The following ARK2C variants were observed in gnomAD, a reference collection of about 807,000 sequenced individuals.
The protein encoded by ARK2C is E3 ubiquitin-protein ligase ARK2C.
the ARK2C span, among the ~76,000 whole-genome samples, chr18:46,363,503 A>G: frequency 6.6e-6 from 1 of 152,174 alleles, no homozygotes; most frequent in African/African-American, 2.4e-5. Context: ...CACTTGAGAC[A>G]TCCACAAATC....
At chr18:46,404,543 C>T in the ARK2C span, among the ~76,000 whole-genome samples, 1 of 152,082 alleles carries the variant, frequency 6.6e-6, no homozygotes, top group Non-Finnish European at 1.5e-5. Flanking sequence ...TATGTGAGGT[C>T]GGGAGGTCGA....
chr18:46,335,972 T>C, the ARK2C span: 2 of 985,328 alleles, frequency 2.0e-6, no homozygotes, highest in Non-Finnish European at 2.4e-6. Context: ...CTCTTAACCA[T>C]TTCCTGTCTC....
At chr18:46,437,972 T>C in the ARK2C span, among the ~76,000 whole-genome samples, 1 of 152,240 alleles carries the variant, frequency 6.6e-6, no homozygotes, top group Non-Finnish European at 1.5e-5. Context: ...CAAAGCTCCC[T>C]GAGCCTGGAG....
chr18:46,362,672 G>T, the ARK2C span, among the ~76,000 whole-genome samples: 2,874 of 152,340 alleles, frequency 0.019, 43 homozygotes, highest in Non-Finnish European at 0.03. Context: ...GAAACCTTGG[G>T]AACTTGCTTC....
the ARK2C span, among the ~76,000 whole-genome samples, chr18:46,375,488 A>T: frequency 6.6e-6 from 1 of 151,668 alleles, no homozygotes; most frequent in African/African-American, 2.4e-5. Context: ...TGGGAGGTGG[A>T]GGTTGCAGTG....
chr18:46,441,861 C>CAAAAAAA, the ARK2C span, among the ~76,000 whole-genome samples: 4 of 122,064 alleles, frequency 3.3e-5, no homozygotes, highest in African/African-American at 9.2e-5. Flanking sequence ...GACTCCATCT[C>CAAAAAAA]AAAAAAAAAA....
chr18:46,372,799 A>G, the ARK2C span, among the ~76,000 whole-genome samples: 1 of 152,246 alleles, frequency 6.6e-6, no homozygotes, highest in East Asian at 1.9e-4. Flanking sequence ...GCCAAAATCC[A>G]TACGTTTCCT....
At chr18:46,384,545 C>A in the ARK2C span, among the ~76,000 whole-genome samples, 1 of 152,170 alleles carries the variant, frequency 6.6e-6, no homozygotes, top group Non-Finnish European at 1.5e-5. Flanking sequence ...ATACACACAC[C>A]ACTTCCACCC....
the ARK2C span, among the ~76,000 whole-genome samples, chr18:46,394,154 A>C: frequency 1.3e-5 from 2 of 152,236 alleles, no homozygotes; most frequent in Non-Finnish European, 2.9e-5. Flanking sequence ...ATGATGAGAC[A>C]GATGGGGTCC....
chr18:46,455,375 CTG>C, the ARK2C span, among the ~76,000 whole-genome samples: 2 of 152,154 alleles, frequency 1.3e-5, no homozygotes, highest in East Asian at 1.9e-4. Context: ...AAAAGGGAAA[CTG>C]TGCACAGTCA....
chr18:46,337,236 G>GA, the ARK2C span: 1 of 985,272 alleles, frequency 1.0e-6, no homozygotes, highest in African/African-American at 1.7e-5. Context: ...GAAAAGAAAA[G>GA]AAAAAAGAAT....
At chr18:46,441,957 G>T in the ARK2C span, among the ~76,000 whole-genome samples, 25 of 151,178 alleles carry the variant, frequency 1.7e-4, no homozygotes, top group Middle Eastern at 0.01. Context: ...GAGGTCAGGG[G>T]ATCGAGACCA....
chr18:46,448,847 C>A, the ARK2C span, among the ~76,000 whole-genome samples: 5 of 152,180 alleles, frequency 3.3e-5, no homozygotes, highest in African/African-American at 1.2e-4. Flanking sequence ...TATTTCCAGG[C>A]AACTTCACTT....
At chr18:46,377,767 G>C in the ARK2C span, among the ~76,000 whole-genome samples, 1 of 152,212 alleles carries the variant, frequency 6.6e-6, no homozygotes, top group African/African-American at 2.4e-5. Context: ...GAGATGAATA[G>C]GAGTTTGATA....
At chr18:46,345,336 A>T in the ARK2C span, among the ~76,000 whole-genome samples, 2 of 152,100 alleles carry the variant, frequency 1.3e-5, no homozygotes, top group Non-Finnish European at 2.9e-5. Flanking sequence ...GTGCGGTGGG[A>T]GTGTTGATTG....
the ARK2C span, among the ~76,000 whole-genome samples, chr18:46,402,182 A>G: frequency 6.6e-6 from 1 of 152,250 alleles, no homozygotes; most frequent in African/African-American, 2.4e-5. Context: ...TATACCTATG[A>G]AAGCATCTAT....
chr18:46,340,765 C>T, the ARK2C span, among the ~76,000 whole-genome samples: 27 of 152,322 alleles, frequency 1.8e-4, no homozygotes, highest in African/African-American at 4.8e-4. Flanking sequence ...ACCTGGCACG[C>T]GGCAGGTGCC....
At chr18:46,415,320 A>T in the ARK2C span, among the ~76,000 whole-genome samples, 2 of 152,146 alleles carry the variant, frequency 1.3e-5, no homozygotes, top group African/African-American at 4.8e-5. Context: ...GGAGATGGAG[A>T]CCACCCTGGC....
At chr18:46,442,962 G>T in the ARK2C span, among the ~76,000 whole-genome samples, 1 of 152,120 alleles carries the variant, frequency 6.6e-6, no homozygotes, top group African/African-American at 2.4e-5. Context: ...AGCCATTCCA[G>T]CTTTCTTCCA....
Sources: gnomAD v4.1 joint callset for allele counts (sites outside exome capture counted in the v4.1 genomes callset) on GRCh38, gnomAD v4.1.1 for gene constraint, MANE v1.5 for transcripts, NCBI Gene and HGNC (gene_info 2026-07-23, HGNC 2026-07-21) for gene names.